The following PLCG2 variants were observed in gnomAD, a reference collection of about 807,000 sequenced individuals.
The protein encoded by PLCG2 is 1-phosphatidylinositol 4,5-bisphosphate phosphodiesterase gamma-2.
Under a neutral mutation model 175.6 loss-of-function variants are expected in PLCG2, and 69 were observed. The ratio of observed to expected loss-of-function variants is 0.39; its 90% CI spans 0.32 to 0.48. The LOEUF is 0.48. Ranked by LOEUF, PLCG2 falls within the 20% of genes least tolerant of loss-of-function variation. The pLI is 0.91. For synonymous variants in PLCG2, 827 were observed against 624.0 expected, an observed-to-expected ratio of 1.33 and a Z score of -4.85; for missense variants, 1,798 against 1,650.9, an observed-to-expected ratio of 1.09 and a Z score of -1.54.
rs114813422 is a variant in PLCG2 at position 81,888,139 on chromosome 16, G to C, written c.766-1033G>C. 2.2e-3 allele frequency among the ~76,000 whole-genome samples: 333 copies of C among 152,338 alleles called. 1 individual carries two copies. Among genetic ancestry groups the C allele is most frequent in the African/African-American group, 7.5e-3 (311 of 41,582 alleles). ...TGACAATGGCAATAAATGACTTGCG[G>C]AGTTGTGTGGACTAAGTGAGATGAC... On this transcript the variant is annotated intron_variant, in intron 9 of 32. Coordinates refer to ENST00000564138, the MANE Select transcript of PLCG2 (RefSeq NM_002661.5).
In PLCG2 at chr16:81,908,596, T is replaced by A; in HGVS notation, c.1733+5T>A. On this transcript the variant is annotated splice_donor_5th_base_variant and intron_variant, in intron 17 of 32. Coordinates refer to ENST00000564138, the MANE Select transcript of PLCG2 (RefSeq NM_002661.5). Reference sequence around the variant, plus strand: ...TGACTACACCCTGTCCTTCTGGTAATGCCCCCGACCCAGGGAACGCCTACC... The same window carrying A: ...TGACTACACCCTGTCCTTCTGGTAAAGCCCCCGACCCAGGGAACGCCTACC... 1.2e-6 allele frequency: 2 copies of A among 1,604,256 alleles called. No individual in the cohort carries two copies. Among genetic ancestry groups the A allele is most frequent in the Non-Finnish European group, 1.7e-6 (2 of 1,175,236 alleles).
At chr16:81,941,091 G>C (rs1910921711) in intron 30 of PLCG2, among the ~76,000 whole-genome samples, 1 of 152,188 alleles carries the variant, frequency 6.6e-6, no homozygotes, top group Admixed American at 6.5e-5. Context: ...TTGGAAACGT[G>C]GGGCTCAATG....
intron 5 of PLCG2, among the ~76,000 whole-genome samples, chr16:81,865,032 A>C (rs1168665546): frequency 6.6e-6 from 1 of 152,178 alleles, no homozygotes; most frequent in Non-Finnish European, 1.5e-5. Context: ...TAGGGAGTGC[A>C]GGGTCATCAC....
At chr16:81,840,956 A>G (rs1474894066) in intron 2 of PLCG2, among the ~76,000 whole-genome samples, 1 of 152,128 alleles carries the variant, frequency 6.6e-6, no homozygotes, top group East Asian at 1.9e-4. Context: ...GAGGGGAGAG[A>G]AGCACCAGTT....
chr16:81,870,755 A>G, intron 6 of PLCG2, 97 bp from the exon 7 acceptor site: 1 of 611,694 alleles, frequency 1.6e-6, no homozygotes, highest in Non-Finnish European at 2.8e-6. Context: ...ATAAAATAGC[A>G]TGCCATTTCT....
At chr16:81,809,355 C>G (rs767723989) in intron 2 of PLCG2, among the ~76,000 whole-genome samples, 11 of 152,118 alleles carry the variant, frequency 7.2e-5, no homozygotes, top group Non-Finnish European at 1.0e-4. Flanking sequence ...CCCCAGCTCC[C>G]TCACCCTCAG....
chr16:81,904,069 C>G (rs1909262727), intron 14 of PLCG2, among the ~76,000 whole-genome samples: 1 of 152,172 alleles, frequency 6.6e-6, no homozygotes. Context: ...GGTTAAATAG[C>G]TCAGCCAGGG....
rs190948132 is a variant in PLCG2 at position 81,877,378 on chromosome 16, C to A, written c.649-3532C>A. Among the ~76,000 whole-genome samples the A allele has an allele frequency of 3.6e-4, 54 of 152,044 alleles. 1 individual carries two copies. The East Asian group carries it at 9.9e-3, about 28-fold the overall frequency. ...GGCTGAGGCAGGAGAATGGCGTGAA[C>A]CTGGAGGCGGAACTTACAGTGAGCC... On this transcript the variant is annotated intron_variant, in intron 7 of 32. Coordinates refer to ENST00000564138, the MANE Select transcript of PLCG2 (RefSeq NM_002661.5).
chr16:81,935,672 A>ATC, intron 26 of PLCG2: 1 of 985,310 alleles, frequency 1.0e-6, no homozygotes, highest in Non-Finnish European at 1.2e-6. Flanking sequence ...GCTGGATGGG[A>ATC]GAGAAGATGA....
At chr16:81,949,984 G>C (rs1314575530) in intron 31 of PLCG2, among the ~76,000 whole-genome samples, 1 of 152,094 alleles carries the variant, frequency 6.6e-6, no homozygotes, top group Non-Finnish European at 1.5e-5. Context: ...GTTAGACTGA[G>C]GGTAACCACT....
At chr16:81,811,192 C>T (rs1291551651) in intron 2 of PLCG2, among the ~76,000 whole-genome samples, 1 of 152,188 alleles carries the variant, frequency 6.6e-6, no homozygotes, top group Non-Finnish European at 1.5e-5. Flanking sequence ...CCCATTCTGT[C>T]TGTGTGACTC....
chr16:81,890,109 C>G (rs533176223), intron 10 of PLCG2, among the ~76,000 whole-genome samples: 28 of 151,904 alleles, frequency 1.8e-4, no homozygotes, highest in African/African-American at 6.8e-4. Flanking sequence ...TGCGAACGCC[C>G]GAAAAGACGT....
intron 2 of PLCG2, among the ~76,000 whole-genome samples, chr16:81,799,656 C>T (rs1911633608): frequency 6.7e-6 from 1 of 149,700 alleles, no homozygotes. Context: ...GCAATGGCAC[C>T]ATCTTGGCTC....
Position 81,752,702 on chromosome 16 carries a change from G to A in PLCG2, c.-144-3168G>A, listed in dbSNP as rs186235484. Among the ~76,000 whole-genome samples the A allele has an allele frequency of 3.0e-3, 457 of 152,330 alleles. 10 individuals carry two copies. Among genetic ancestry groups the A allele is most frequent in the East Asian group, 1.4e-3 (7 of 5,184 alleles). On this transcript the variant is annotated intron_variant, in intron 1 of 5. Transcript: ENST00000565054. ...TGCATCTGCTTCCAGCAACTTCCAT[G>A]AAGGACGTGACTGTAGACGAGGCCC...
At position 81,960,276 on chromosome 16, in the gene PLCG2, A is replaced by G. The variant is rs778057022; in HGVS notation, c.*2278A>G. 2.9e-4 allele frequency: 63 copies of G among 220,818 alleles called. No individual in the cohort carries two copies. Among genetic ancestry groups the G allele is most frequent in the Non-Finnish European group, 5.0e-4 (55 of 110,388 alleles). The allele number at this position is 220,818 out of a possible 1,614,324, so 13.7% of individuals were successfully genotyped here. On this transcript the variant is annotated 3_prime_UTR_variant, in exon 33 of 33. Transcript: ENST00000564138. The stretch of plus-strand genomic sequence containing the variant: ...GATGGCTCTTCCCAGAGTCTATGTG[A>G]TGCTACATAACTTCAGTATCTAGCT...
intron 19 of PLCG2, among the ~76,000 whole-genome samples, chr16:81,916,175 C>G (rs988424358): frequency 2.0e-5 from 3 of 151,840 alleles, no homozygotes; most frequent in African/African-American, 7.3e-5. Flanking sequence ...TAAAATATCA[C>G]TGGAAATAAA....
At chr16:81,753,733 G>A (rs973498255) in intron 1 of PLCG2, among the ~76,000 whole-genome samples, 1 of 152,174 alleles carries the variant, frequency 6.6e-6, no homozygotes, top group Non-Finnish European at 1.5e-5. Flanking sequence ...GAGGGGATGA[G>A]GGAACCAGGA....
chr16:81,911,234 T>G (rs1909607928), intron 18 of PLCG2, among the ~76,000 whole-genome samples: 1 of 151,712 alleles, frequency 6.6e-6, no homozygotes, highest in Non-Finnish European at 1.5e-5. Flanking sequence ...TATAGCAACT[T>G]TTTTTTTCAC....
intron 3 of PLCG2, among the ~76,000 whole-genome samples, chr16:81,857,570 C>G (rs1026293187): frequency 2.0e-5 from 3 of 152,144 alleles, no homozygotes; most frequent in African/African-American, 7.2e-5. Flanking sequence ...AGACAGCTGC[C>G]TTCTTGCCAT....
Sources: allele counts gnomAD v4.1 joint callset (sites outside exome capture counted in the v4.1 genomes callset), GRCh38; gene constraint gnomAD v4.1.1; transcripts MANE v1.5; gene names NCBI Gene and HGNC (gene_info 2026-07-23, HGNC 2026-07-21).